SPATS1: variants seen among roughly 807,000 people sequenced by gnomAD.
The protein encoded by SPATS1 is spermatogenesis-associated serine-rich protein 1.
Under a neutral mutation model 33.6 loss-of-function variants are expected in SPATS1, and 23 were observed. That is an observed-to-expected ratio of 0.68 (90% CI 0.49 to 0.97). The LOEUF (loss-of-function observed/expected upper bound fraction) is 0.97, where lower values mean the gene tolerates loss of function less well. Among genes scored for constraint, SPATS1 ranks in the 50% least tolerant of loss-of-function variants. The pLI is 0.00. For missense variants in SPATS1, 327 were observed against 361.0 expected (o/e 0.91, Z 0.76); for synonymous variants, 131 against 125.6 (o/e 1.04, Z -0.29).
intron 2 of SPATS1, among the ~76,000 whole-genome samples, chr6:44,348,063 G>C (rs1420798952): frequency 6.6e-6 from 1 of 150,990 alleles, no homozygotes; most frequent in Non-Finnish European, 1.5e-5. Flanking sequence ...CTGTAGTGCA[G>C]TGTGGCATGA....
intron 2 of SPATS1, among the ~76,000 whole-genome samples, chr6:44,345,881 G>C (rs367831517): frequency 1.3e-5 from 2 of 152,142 alleles, no homozygotes; most frequent in Non-Finnish European, 2.9e-5. Context: ...GTAAGATGGG[G>C]ACATTCCCAC....
Position 44,343,102 on chromosome 6 carries a change from C to T in SPATS1, c.7C>T (p.Pro3Ser). The T allele has an allele frequency of 6.2e-7, 1 of 1,614,130 alleles. No individual in the cohort carries two copies. Among genetic ancestry groups the T allele is most frequent in the Non-Finnish European group, 8.5e-7 (1 of 1,180,006 alleles). Residue 3 changes from proline to serine, a missense_variant, in exon 2 of 9, where the codon CCA becomes TCA. Transcript: ENST00000674044. Reference sequence around the variant, plus strand: ...AAAATCATCATGGGCACAGATGAGTCCATCCATGCTCACTGGAAACAGTCC... The same window carrying T: ...AAAATCATCATGGGCACAGATGAGTTCATCCATGCTCACTGGAAACAGTCC... MS[P>S]SMLTGNSPRG...
rs1344631745 is a variant in SPATS1, at chr6:44,352,723, C to T, written c.140-3C>T. 1.9e-6 allele frequency: 3 copies of T among 1,613,310 alleles called. No homozygotes were observed. Among genetic ancestry groups the T allele is most frequent in the East Asian group, 4.5e-5 (2 of 44,892 alleles). On this transcript the variant is annotated splice_polypyrimidine_tract_variant and splice_region_variant and intron_variant, in intron 2 of 8. Coordinates refer to ENST00000674044, the MANE Select transcript of SPATS1 (RefSeq NM_001372081.1). ...ATTAAATGGTGATATCTCTGTGTTA[C>T]AGGTGCTAATTGCAGTGATTTTCTG...
intron 4 of SPATS1, 189 bp from the exon 5 acceptor site, chr6:44,361,642 A>G (rs904607031): frequency 1.3e-6 from 1 of 752,748 alleles, no homozygotes; most frequent in Non-Finnish European, 1.6e-6. Context: ...CTCTCCCCTG[A>G]CTTCCCTTCC....
chr6:44,362,720 A>T (rs923846581), intron 5 of SPATS1, among the ~76,000 whole-genome samples: 5 of 152,260 alleles, frequency 3.3e-5, no homozygotes, highest in African/African-American at 1.2e-4. Context: ...CAACAGAGAC[A>T]AATAGTTTTG....
At chr6:44,347,370 TA>T (rs35992667) in intron 2 of SPATS1, among the ~76,000 whole-genome samples, 112,123 of 151,800 alleles carry the variant, frequency 0.74, 41,656 homozygotes, top group Middle Eastern at 0.79. Context: ...ACTTAAAGTA[TA>T]AAAAAAAAGC....
rs79557845 is a variant in SPATS1 at position 44,366,662 on chromosome 6, A to G, written c.575-1717A>G. 1.3e-3 allele frequency among the ~76,000 whole-genome samples: 202 copies of G among 152,302 alleles called. 3 individuals carry two copies. In the East Asian group the frequency reaches 0.036, roughly 27 times the overall value. ...TGTAGTGTTACCTTCGTCTTTACAT[A>G]TGTCTCCCTATCTAGATAAGATTCC... On this transcript the variant is annotated intron_variant, in intron 5 of 8. Coordinates refer to ENST00000674044, the MANE Select transcript of SPATS1 (RefSeq NM_001372081.1).
chr6:44,362,781 C>A (rs1225887895), intron 5 of SPATS1, among the ~76,000 whole-genome samples: 1 of 151,492 alleles, frequency 6.6e-6, no homozygotes, highest in Non-Finnish European at 1.5e-5. Flanking sequence ...GAAAGCCATA[C>A]TAAATGAGCT....
Position 44,361,933 on chromosome 6 carries a change from G to T in SPATS1, c.515G>T (p.Gly172Val). Residue 172 changes from glycine (G) to valine (V), a missense_variant, in exon 5 of 9, where the codon GGC becomes GTC. Physicochemically the swap from Gly to Val is moderately radical, Grantham distance 109. Transcript: ENST00000674044. Reference protein sequence around the residue: ...KQCFFNGVFLGNKRSLSERTV... With the variant: ...KQCFFNGVFLVNKRSLSERTV... The stretch of plus-strand genomic sequence containing the variant: ...TGCTTCTTTAATGGAGTCTTCCTCG[G>T]CAACAAGAGGTCTCTATCAGAGAGG... 1 of 1,614,202 alleles carries T rather than the reference G, an allele frequency of 6.2e-7. No individual in the cohort carries two copies. The highest frequency in any genetic ancestry group is 8.5e-7 in the Non-Finnish European group (1 of 1,180,030).
At chr6:44,365,131 G>A (rs917610458) in intron 5 of SPATS1, among the ~76,000 whole-genome samples, 1 of 152,118 alleles carries the variant, frequency 6.6e-6, no homozygotes, top group Non-Finnish European at 1.5e-5. Flanking sequence ...GTAGGCTCAG[G>A]GACTGCCAAC....
Position 44,376,488 on chromosome 6 carries a change from C to T in SPATS1, c.874+15C>T, listed in dbSNP as rs1265033971. On this transcript the variant is annotated intron_variant, in intron 8 of 8. Coordinates refer to ENST00000674044, the MANE Select transcript of SPATS1 (RefSeq NM_001372081.1). ...ACACCTTTCTGGTGGGTTAAAGAAA[C>T]TTCAAAGAATAGTGTAAAAACTGGA... is the stretch of plus-strand genomic sequence containing the variant. The T allele has an allele frequency of 1.3e-6, 2 of 1,568,016 alleles. No individual in the cohort carries two copies. The highest frequency in any genetic ancestry group is 2.3e-5 in the East Asian group (1 of 44,088).
intron 4 of SPATS1, chr6:44,361,433 G>A: frequency 1.0e-6 from 1 of 985,412 alleles, no homozygotes; most frequent in Non-Finnish European, 1.2e-6. Context: ...CATGTGGATG[G>A]CACTGGCCTA....
At chr6:44,362,567 C>T (rs1175490769) in intron 5 of SPATS1, among the ~76,000 whole-genome samples, 8 of 152,178 alleles carry the variant, frequency 5.3e-5, no homozygotes. Flanking sequence ...ACCAACTGAC[C>T]ATTTATGACA....
intron 5 of SPATS1, among the ~76,000 whole-genome samples, chr6:44,366,967 T>C (rs1287050446): frequency 6.6e-6 from 1 of 152,182 alleles, no homozygotes; most frequent in Non-Finnish European, 1.5e-5. Context: ...GGAGTGAGTA[T>C]GAACTCAGGT....
At chr6:44,347,370 TAA>T (rs35992667) in intron 2 of SPATS1, among the ~76,000 whole-genome samples, 1 of 151,870 alleles carries the variant, frequency 6.6e-6, no homozygotes, top group African/African-American at 2.4e-5. Flanking sequence ...ACTTAAAGTA[TAA>T]AAAAAAAGCT....
intron 2 of SPATS1, among the ~76,000 whole-genome samples, chr6:44,346,938 C>A (rs371826726): frequency 2.0e-5 from 3 of 152,092 alleles, no homozygotes; most frequent in Non-Finnish European, 4.4e-5. Context: ...ATGTTTATTG[C>A]GGCACTGTTC....
intron 2 of SPATS1, among the ~76,000 whole-genome samples, chr6:44,351,139 A>G (rs905960828): frequency 6.7e-5 from 10 of 150,242 alleles, no homozygotes; most frequent in African/African-American, 1.7e-4. Flanking sequence ...AAAAAAAAAA[A>G]AAAAAGAAAA....
rs1434503669 is a variant in SPATS1 at position 44,368,422 on chromosome 6, C to T, written c.618C>T (p.Asp206=). ...GAATCCCAAAGTTAACTCCAGGCGA[C>T]AATCCATATATGTACCCAGAACAGA... ...RNGIPKLTPG[D]NPYMYPEQSK... Residue 206 remains aspartate, a synonymous_variant, in exon 6 of 9, where the codon GAC becomes GAT. Transcript: ENST00000674044. 6.2e-7 allele frequency: 1 copy of T among 1,613,576 alleles called. No individual in the cohort carries two copies. Among genetic ancestry groups the T allele is most frequent in the Non-Finnish European group, 8.5e-7 (1 of 1,179,848 alleles).
Position 44,361,962 on chromosome 6 carries a change from G to A in SPATS1, c.544G>A (p.Val182Met). 3 of 1,614,222 alleles carry A rather than the reference G, an allele frequency of 1.9e-6. No individual in the cohort carries two copies. The highest frequency in any genetic ancestry group is 2.5e-6 in the Non-Finnish European group (3 of 1,180,044). The part of the protein sequence containing the change: ...GNKRSLSERT[V>M]DKCFGRKKYD... The stretch of plus-strand genomic sequence containing the variant: ...CAAGAGGTCTCTATCAGAGAGGACG[G>A]TGGACAAGTGCTTTGGGAGAAAGAA... Residue 182 changes from valine to methionine, a missense_variant, in exon 5 of 9, where the codon GTG becomes ATG. Physicochemically the swap from Val to Met is conservative, Grantham distance 21. Transcript: ENST00000674044.
Sources: gnomAD v4.1 joint callset for allele counts (sites outside exome capture counted in the v4.1 genomes callset) on GRCh38, gnomAD v4.1.1 for gene constraint, MANE v1.5 for transcripts, NCBI Gene and HGNC (gene_info 2026-07-23, HGNC 2026-07-21) for gene names.